Variants in KAZN observed in about 807,000 individuals in gnomAD.
KAZN encodes the protein kazrin.
In KAZN, 40 loss-of-function variants were observed where a neutral mutation model predicts 87.4. The ratio of observed to expected loss-of-function variants is 0.46; its 90% confidence interval spans 0.36 to 0.60. KAZN has a LOEUF of 0.60. KAZN is among the 20% of genes least tolerant of loss of function. The pLI is 0.00. For synonymous variants in KAZN, 466 were observed against 458.3 expected (o/e 1.02, Z -0.22); for missense variants, 898 against 1,073.9 (o/e 0.84, Z 2.29).
intron 1 of KAZN, among the ~76,000 whole-genome samples, chr1:14,629,842 G>A (rs1679431791): frequency 1.3e-5 from 2 of 152,120 alleles, no homozygotes; most frequent in Non-Finnish European, 2.9e-5. Context: ...TAAGGAAGCT[G>A]CACACCCTGG....
Position 15,056,157 on chromosome 1 carries a change from G to A in KAZN, c.793G>A (p.Glu265Lys). ...GCGGCATTCCCTCGCCATGCCGGGC[G>A]AGACGGTGCTCAATGGCAACCAGGA... ...PKRHSLAMPG[E>K]TVLNGNQEWV... Residue 265 changes from glutamate (E) to lysine (K), a missense_variant, in exon 5 of 15, where the codon GAG (glutamate) becomes AAG (lysine). Glu to Lys is a moderately conservative substitution (Grantham distance 56). Coordinates refer to ENST00000376030, the MANE Select transcript of KAZN (RefSeq NM_201628.3). This position sits in a 1 kb window ranked among gnomAD's most constrained non-coding sequence, Gnocchi z 5.4. The A allele has an allele frequency of 6.2e-7, 1 of 1,614,182 alleles. No homozygotes were observed. The highest frequency in any genetic ancestry group is 8.5e-7 in the Non-Finnish European group (1 of 1,180,022).
chr1:15,088,101 A>T (rs547874114), intron 8 of KAZN, among the ~76,000 whole-genome samples: 35 of 152,166 alleles, frequency 2.3e-4, no homozygotes, highest in Admixed American at 3.9e-4. Flanking sequence ...GGGCCAAAAA[A>T]CTTTGTGGGC....
chr1:14,169,605 C>T (rs115692122), intron 1 of KAZN, among the ~76,000 whole-genome samples: 3,762 of 152,214 alleles, frequency 0.025, 155 homozygotes, highest in African/African-American at 0.085. Context: ...TGTCCATCCC[C>T]GAGGACTGTC....
At chr1:14,081,890 C>G (rs1164434490) in intron 1 of KAZN, among the ~76,000 whole-genome samples, 1 of 152,208 alleles carries the variant, frequency 6.6e-6, no homozygotes, top group Non-Finnish European at 1.5e-5. Context: ...CCTACCTCAG[C>G]CTCCTGAGAA....
At chr1:13,982,942 T>C (rs945703540) in intron 1 of KAZN, among the ~76,000 whole-genome samples, 18 of 150,452 alleles carry the variant, frequency 1.2e-4, no homozygotes, top group African/African-American at 4.4e-4. Flanking sequence ...CAGTCTCCAT[T>C]GGTGTGCTCA....
chr1:14,553,578 C>T (rs369342895), intron 2 of KAZN, among the ~76,000 whole-genome samples: 15 of 152,172 alleles, frequency 9.9e-5, no homozygotes, highest in African/African-American at 3.1e-4. Flanking sequence ...AATGCATGGA[C>T]GTGGCTGGAC....
intron 1 of KAZN, among the ~76,000 whole-genome samples, chr1:13,990,065 T>A (rs1639206883): frequency 6.6e-6 from 1 of 152,222 alleles, no homozygotes; most frequent in South Asian, 2.1e-4. Context: ...AAAGAACTTT[T>A]CTGAACTCTT....
intron 2 of KAZN, among the ~76,000 whole-genome samples, chr1:14,451,428 A>C (rs1199303391): frequency 6.6e-6 from 1 of 152,152 alleles, no homozygotes; most frequent in Non-Finnish European, 1.5e-5. Flanking sequence ...GCACATGGTT[A>C]CAGACAACAG....
intron 1 of KAZN, among the ~76,000 whole-genome samples, chr1:14,614,311 T>C (rs1678051342): frequency 6.6e-6 from 1 of 152,224 alleles, no homozygotes; most frequent in Non-Finnish European, 1.5e-5. Flanking sequence ...CCACTCTCTT[T>C]ATAGTAAGCC....
At chr1:14,478,491 G>T (rs746198746) in intron 2 of KAZN, among the ~76,000 whole-genome samples, 1 of 152,154 alleles carries the variant, frequency 6.6e-6, no homozygotes, top group African/African-American at 2.4e-5. Context: ...TCACTATTTT[G>T]TTTCCTTCCA....
intron 1 of KAZN, among the ~76,000 whole-genome samples, chr1:13,972,367 G>A (rs565891239): frequency 4.3e-4 from 64 of 149,146 alleles, no homozygotes; most frequent in African/African-American, 1.5e-3. Context: ...TCTGCCTCCC[G>A]AATGCCACCC....
At chr1:14,926,080 T>C (rs768497167) in intron 1 of KAZN, among the ~76,000 whole-genome samples, 24 of 152,246 alleles carry the variant, frequency 1.6e-4, no homozygotes, top group Non-Finnish European at 3.1e-4. Context: ...ATGTTAGTCC[T>C]CAGCTCCTTC....
chr1:14,335,203 C>CTTTT (rs34934115), intron 2 of KAZN, among the ~76,000 whole-genome samples: 1 of 131,342 alleles, frequency 7.6e-6, no homozygotes, highest in Non-Finnish European at 1.6e-5. Context: ...GTCCTCCTTT[C>CTTTT]TTTTTTTTTT....
chr1:14,687,537 C>T (rs1009777608), intron 1 of KAZN, among the ~76,000 whole-genome samples: 1 of 152,134 alleles, frequency 6.6e-6, no homozygotes, highest in East Asian at 1.9e-4. Context: ...TCTGGGCAGC[C>T]CAGGCCCCAG....
intron 2 of KAZN, among the ~76,000 whole-genome samples, chr1:14,999,624 C>A (rs895510865): frequency 6.6e-6 from 1 of 152,234 alleles, no homozygotes; most frequent in African/African-American, 2.4e-5. Context: ...AATCTCCGGG[C>A]ACCCCTTGCC....
intron 1 of KAZN, among the ~76,000 whole-genome samples, chr1:14,913,228 A>G (rs1657439795): frequency 6.6e-6 from 1 of 152,098 alleles, no homozygotes; most frequent in Non-Finnish European, 1.5e-5. Context: ...TTGGGGTTGT[A>G]CTTTACCCCA....
At chr1:14,403,729 C>G (rs1385834169) in intron 2 of KAZN, among the ~76,000 whole-genome samples, 8 of 152,162 alleles carry the variant, frequency 5.3e-5, no homozygotes, top group African/African-American at 1.9e-4. Context: ...CATTTCACAG[C>G]ATCTGTGGAG....
At chr1:14,497,734 C>G (rs1215528390) in intron 2 of KAZN, among the ~76,000 whole-genome samples, 11 of 152,068 alleles carry the variant, frequency 7.2e-5, no homozygotes, top group Admixed American at 3.9e-4. Context: ...AGGGTTAGGG[C>G]TTGGCTTCCA....
Position 14,401,627 on chromosome 1 carries a change from G to A in KAZN, c.250-197356G>A, listed in dbSNP as rs149559475. 2.8e-3 allele frequency among the ~76,000 whole-genome samples: 427 copies of A among 151,738 alleles called. 1 individual carries two copies. The highest frequency in any genetic ancestry group is 9.9e-3 in the African/African-American group (411 of 41,374). Reference sequence around the variant, plus strand: ...GCCCAGGAGTTCGAGACCAGCCTGGGGAATATGGTGAAACCCCATCTCTAC... The same window carrying A: ...GCCCAGGAGTTCGAGACCAGCCTGGAGAATATGGTGAAACCCCATCTCTAC... On this transcript the variant is annotated intron_variant, in intron 2 of 16. Transcript: ENST00000636203.
Sources: gnomAD v4.1 joint callset for allele counts (sites outside exome capture counted in the v4.1 genomes callset) on GRCh38, gnomAD v4.1.1 for gene constraint, Gnocchi (gnomAD v3.1) non-coding constraint, MANE v1.5 for transcripts, NCBI Gene and HGNC (gene_info 2026-07-23, HGNC 2026-07-21) for gene names.